The following AGBL4 variants were observed in gnomAD, a reference collection of about 807,000 sequenced individuals.
The protein encoded by AGBL4 is cytosolic carboxypeptidase 6.
A neutral mutation model predicts 66.4 loss-of-function variants in AGBL4; 58 were observed. The ratio of observed to expected loss-of-function variants is 0.87; its 90% confidence interval spans 0.71 to 1.09. AGBL4 has a LOEUF of 1.09. Among genes scored for constraint, AGBL4 ranks in the 50% least tolerant of loss-of-function variants. The pLI is 0.00. For missense variants in AGBL4, 579 were observed against 631.0 expected (o/e 0.92, Z 0.88); for synonymous variants, 234 against 222.9 (o/e 1.05, Z -0.44).
chr1:49,842,939 T>C (rs1480666395), intron 2 of AGBL4, among the ~76,000 whole-genome samples: 5 of 152,122 alleles, frequency 3.3e-5, no homozygotes, highest in Non-Finnish European at 7.4e-5. Context: ...AAATAATTGT[T>C]TATAATTCAT....
intron 5 of AGBL4, among the ~76,000 whole-genome samples, chr1:48,986,686 C>G (rs1557530036): frequency 6.6e-6 from 1 of 151,836 alleles, no homozygotes; most frequent in Non-Finnish European, 1.5e-5. Flanking sequence ...GAAAATTATG[C>G]CAGATGGAAA....
At chr1:48,679,899 T>G (rs1456848554) in intron 6 of AGBL4, among the ~76,000 whole-genome samples, 1 of 152,246 alleles carries the variant, frequency 6.6e-6, no homozygotes, top group African/African-American at 2.4e-5. Context: ...GTGTCCCAGC[T>G]CACGGTGCTT....
chr1:50,021,208 T>C (rs1662419904), intron 1 of AGBL4, among the ~76,000 whole-genome samples: 2 of 152,312 alleles, frequency 1.3e-5, no homozygotes, highest in South Asian at 4.1e-4. Context: ...AGCTGTGCTC[T>C]AATCTCTCCA....
At chr1:49,650,748 G>A (rs1203053035) in intron 3 of AGBL4, among the ~76,000 whole-genome samples, 1 of 152,200 alleles carries the variant, frequency 6.6e-6, no homozygotes, top group African/African-American at 2.4e-5. Context: ...GCTCACCTAA[G>A]TGCACCTTGA....
At chr1:49,164,072 G>C (rs1237609332) in intron 4 of AGBL4, among the ~76,000 whole-genome samples, 1 of 152,150 alleles carries the variant, frequency 6.6e-6, no homozygotes, top group Non-Finnish European at 1.5e-5. Context: ...TGTGTGCATA[G>C]TATATGTGTG....
intron 3 of AGBL4, among the ~76,000 whole-genome samples, chr1:49,599,645 C>A (rs1412709042): frequency 6.6e-6 from 1 of 152,064 alleles, no homozygotes; most frequent in Non-Finnish European, 1.5e-5. Context: ...TATTTCTTGT[C>A]TTCTGCTAGG....
chr1:49,157,891 T>C (rs761709513), intron 4 of AGBL4, among the ~76,000 whole-genome samples: 1 of 152,242 alleles, frequency 6.6e-6, no homozygotes, highest in Non-Finnish European at 1.5e-5. Context: ...TTGAGAAGTG[T>C]CTGTTCATAT....
At chr1:49,122,140 G>A (rs1216123364) in intron 4 of AGBL4, among the ~76,000 whole-genome samples, 1 of 152,198 alleles carries the variant, frequency 6.6e-6, no homozygotes, top group Non-Finnish European at 1.5e-5. Flanking sequence ...CTAGGAAAGG[G>A]AAATCCCTCA....
intron 3 of AGBL4, among the ~76,000 whole-genome samples, chr1:49,491,845 A>T (rs973435613): frequency 5.9e-5 from 9 of 151,980 alleles, no homozygotes; most frequent in African/African-American, 1.7e-4. Flanking sequence ...TATGTTCCAA[A>T]ACCCCCAGTG....
chr1:48,766,506 G>C (rs1644538766), intron 6 of AGBL4, among the ~76,000 whole-genome samples: 1 of 152,218 alleles, frequency 6.6e-6, no homozygotes, highest in Non-Finnish European at 1.5e-5. Flanking sequence ...TAAGTCTCCA[G>C]AAAGCAGCAA....
At chr1:49,013,297 A>G (rs1417301736) in intron 5 of AGBL4, among the ~76,000 whole-genome samples, 3 of 152,164 alleles carry the variant, frequency 2.0e-5, no homozygotes, top group Non-Finnish European at 4.4e-5. Context: ...TGTGACTGCC[A>G]CAAGCTTGGT....
Position 48,653,353 on chromosome 1 carries a change from A to G in AGBL4, c.823T>C (p.Tyr275His). Residue 275 changes from tyrosine (Y) to histidine (H), a missense_variant, in exon 8 of 14, where the codon TAC becomes CAC. Physicochemically the swap from Tyr to His is moderately conservative, Grantham distance 83 (BLOSUM62 2). Transcript: ENST00000371839. The stretch of plus-strand genomic sequence containing the variant: ...ATTCCTTACCTGTAATTGCCCAGGT[A>G]GACTCCATCAGGATTGAGCATTGGT... The part of the protein sequence containing the change: ...IAPMLNPDGV[Y>H]LGNYRCSLMG... 1.3e-6 allele frequency: 2 copies of G among 1,578,988 alleles called. No individual in the cohort carries two copies. The highest frequency in any genetic ancestry group is 1.3e-5 in the African/African-American group (1 of 74,350).
chr1:49,722,709 A>G (rs751686568), intron 2 of AGBL4, among the ~76,000 whole-genome samples: 1 of 152,148 alleles, frequency 6.6e-6, no homozygotes, highest in Non-Finnish European at 1.5e-5. Flanking sequence ...ATTTAGCTCT[A>G]TGTTTATCAT....
At chr1:49,737,779 G>T (rs188844645) in intron 2 of AGBL4, among the ~76,000 whole-genome samples, 228 of 152,286 alleles carry the variant, frequency 1.5e-3, no homozygotes, top group African/African-American at 4.9e-3. Context: ...TGAAAGAAAA[G>T]ACTTTCAACT....
intron 3 of AGBL4, among the ~76,000 whole-genome samples, chr1:49,329,366 AAAAAT>A (rs1418180722): frequency 6.6e-6 from 1 of 151,768 alleles, no homozygotes; most frequent in African/African-American, 2.4e-5. Flanking sequence ...CCCAACTTAA[AAAAAT>A]AAAATAAAAA....
chr1:49,484,452 C>T (rs1336496984), intron 3 of AGBL4, among the ~76,000 whole-genome samples: 4 of 152,020 alleles, frequency 2.6e-5, no homozygotes, highest in African/African-American at 9.7e-5. Context: ...TTTGTAACAA[C>T]ATGGATGTAA....
intron 9 of AGBL4, among the ~76,000 whole-genome samples, chr1:48,616,577 G>A (rs1017111355): frequency 5.9e-5 from 9 of 152,248 alleles, no homozygotes; most frequent in South Asian, 2.1e-4. Context: ...TTCATCCCCC[G>A]AGCTTCATAT....
intron 1 of AGBL4, among the ~76,000 whole-genome samples, chr1:49,982,263 C>T (rs991673995): frequency 3.9e-5 from 6 of 152,202 alleles, no homozygotes; most frequent in South Asian, 4.1e-4. Flanking sequence ...CCCAGGGCTG[C>T]GCTCCACAGA....
At chr1:49,974,857 A>C (rs1658429448) in intron 1 of AGBL4, among the ~76,000 whole-genome samples, 1 of 152,180 alleles carries the variant, frequency 6.6e-6, no homozygotes. Flanking sequence ...ATATGCTTTA[A>C]ATTTTTAAGG....
Sources: allele counts gnomAD v4.1 joint callset (sites outside exome capture counted in the v4.1 genomes callset), GRCh38; gene constraint gnomAD v4.1.1; transcripts MANE v1.5; gene names NCBI Gene and HGNC (gene_info 2026-07-23, HGNC 2026-07-21).